ARHGAP20: variants seen among roughly 807,000 people sequenced by gnomAD.
ARHGAP20 encodes rho GTPase-activating protein 20.
In ARHGAP20, 34 loss-of-function variants were observed where a neutral mutation model predicts 73.7. The observed-to-expected ratio is 0.46, with a 90% CI of 0.35 to 0.61. ARHGAP20 has a LOEUF of 0.61. Ranked by LOEUF, ARHGAP20 falls within the 20% of genes least tolerant of loss-of-function variation. The pLI, the probability that ARHGAP20 is intolerant of heterozygous loss-of-function variation, is 0.00. For synonymous variants in ARHGAP20, 523 were observed against 518.2 expected (o/e 1.01, Z -0.13); for missense variants, 1,314 against 1,420.9 (o/e 0.92, Z 1.21).
At chr11:110,585,256 ATT>A in intron 12 of ARHGAP20, among the ~76,000 whole-genome samples, 1 of 151,626 alleles carries the variant, frequency 6.6e-6, no homozygotes, top group South Asian at 2.1e-4. Context: ...ACGTGTTTAT[ATT>A]TGCATGAGAG....
At chr11:110,618,660 T>C (rs1948543442) in intron 4 of ARHGAP20, among the ~76,000 whole-genome samples, 1 of 152,002 alleles carries the variant, frequency 6.6e-6, no homozygotes, top group South Asian at 2.1e-4. Context: ...AGTGATAGCA[T>C]ATATGCAGTG....
chr11:110,703,509 A>G (rs1459067705), intron 1 of ARHGAP20, among the ~76,000 whole-genome samples: 1 of 152,084 alleles, frequency 6.6e-6, no homozygotes, highest in Non-Finnish European at 1.5e-5. Flanking sequence ...TCATTCATAT[A>G]TATGGATTCA....
intron 9 of ARHGAP20, among the ~76,000 whole-genome samples, chr11:110,596,653 T>G (rs950597484): frequency 1.6e-4 from 25 of 152,066 alleles, no homozygotes; most frequent in African/African-American, 5.6e-4. Context: ...AGGTGCTGGA[T>G]AGGATGTGGA....
chr11:110,646,761 A>C (rs1226677879), intron 2 of ARHGAP20, among the ~76,000 whole-genome samples: 2 of 152,114 alleles, frequency 1.3e-5, no homozygotes. Flanking sequence ...CCTACAGTAC[A>C]TGAAGCACTA....
At chr11:110,679,274 T>C (rs1301720554) in intron 2 of ARHGAP20, among the ~76,000 whole-genome samples, 31 of 152,160 alleles carry the variant, frequency 2.0e-4, no homozygotes, top group Admixed American at 2.0e-3. Flanking sequence ...TGTAACCTAA[T>C]CTCGGAAGTG....
chr11:110,697,573 T>C (rs1360889440), intron 1 of ARHGAP20, among the ~76,000 whole-genome samples: 1 of 151,842 alleles, frequency 6.6e-6, no homozygotes, highest in Admixed American at 6.6e-5. Context: ...CGCTGTTTAG[T>C]TTAATTAAAT....
At chr11:110,586,039 C>G (rs1384721108) in intron 12 of ARHGAP20, among the ~76,000 whole-genome samples, 177 bp downstream of exon 12, 1 of 152,082 alleles carries the variant, frequency 6.6e-6, no homozygotes, top group Non-Finnish European at 1.5e-5. Context: ...GTACAATCTT[C>G]AAGTATTACA....
Position 110,577,768 on chromosome 11 carries a change from G to T in ARHGAP20, c.*1602C>A, listed in dbSNP as rs1466536262. On this transcript the variant is annotated 3_prime_UTR_variant, in exon 15 of 15. Transcript: ENST00000683387. ...CATTGTAATGGTTAGCGCAAACAGG[G>T]CCATGTCCCCAAGAGGTAGGTAGCA... The T allele has an allele frequency of 3.0e-6, 3 of 985,812 alleles. No individual in the cohort carries two copies. Among genetic ancestry groups the T allele is most frequent in the East Asian group, 2.3e-4 (2 of 8,818 alleles). 61.1% of individuals were successfully genotyped at this position (985,812 alleles called of 1,614,324 possible).
chr11:110,661,038 T>C (rs1157986527), intron 2 of ARHGAP20, among the ~76,000 whole-genome samples: 1 of 152,210 alleles, frequency 6.6e-6, no homozygotes, highest in Non-Finnish European at 1.5e-5. Context: ...CCAAAACAAA[T>C]ACATCAGAAG....
chr11:110,631,383 T>A (rs7479470), intron 2 of ARHGAP20, among the ~76,000 whole-genome samples: 1 of 152,156 alleles, frequency 6.6e-6, no homozygotes, highest in African/African-American at 2.4e-5. Context: ...TCTCTATGGA[T>A]TGGCTCCTGA....
chr11:110,682,187 G>A (rs1950049474), intron 2 of ARHGAP20, among the ~76,000 whole-genome samples: 1 of 152,102 alleles, frequency 6.6e-6, no homozygotes, highest in African/African-American at 2.4e-5. Flanking sequence ...TTTCCCATCT[G>A]CTATGGTCTT....
At chr11:110,591,193 G>A (rs553985533) in intron 10 of ARHGAP20, among the ~76,000 whole-genome samples, 2 of 152,288 alleles carry the variant, frequency 1.3e-5, no homozygotes, top group East Asian at 1.9e-4. Flanking sequence ...CCTGCTTACA[G>A]TGTAAGAAGA....
At chr11:110,695,548 T>C (rs1422192543) in intron 1 of ARHGAP20, among the ~76,000 whole-genome samples, 1 of 151,606 alleles carries the variant, frequency 6.6e-6, no homozygotes, top group East Asian at 1.9e-4. Flanking sequence ...CCAAAGAAGA[T>C]ATACGAATTG....
intron 9 of ARHGAP20, among the ~76,000 whole-genome samples, chr11:110,594,194 A>G (rs942344125): frequency 6.6e-6 from 1 of 152,152 alleles, no homozygotes; most frequent in Non-Finnish European, 1.5e-5. Flanking sequence ...AAATGGCCTT[A>G]AGATCATCAT....
At chr11:110,647,425 T>C (rs527683040) in intron 2 of ARHGAP20, among the ~76,000 whole-genome samples, 4 of 152,046 alleles carry the variant, frequency 2.6e-5, no homozygotes, top group African/African-American at 9.6e-5. Flanking sequence ...CAAGGGAAGA[T>C]AGGACAGACA....
intron 12 of ARHGAP20, among the ~76,000 whole-genome samples, chr11:110,584,418 GTT>G (rs765253941): frequency 6.4e-5 from 9 of 141,166 alleles, no homozygotes; most frequent in Middle Eastern, 3.7e-3. Flanking sequence ...ATTCATGACT[GTT>G]TTTTTTTTTT....
rs7936226 is a variant in ARHGAP20 at position 110,583,614 on chromosome 11, G to A, written c.1539C>T (p.Val513=). 5.5e-3 allele frequency: 8,852 copies of A among 1,612,806 alleles called. 248 individuals carry two copies. The African/African-American group carries it at 0.076, about 14-fold the overall frequency. Residue 513 remains valine (V), a synonymous_variant, in exon 13 of 15, where the codon GTC becomes GTT. Coordinates refer to ENST00000683387, the MANE Select transcript of ARHGAP20 (RefSeq NM_001384657.1). ...CAGGAGGCCAAAGAATACTTGGAGCGACACACACAGCTAAATTAAATGCAG... is the reference window on the plus strand; with the variant it reads ...CAGGAGGCCAAAGAATACTTGGAGCAACACACACAGCTAAATTAAATGCAG... ...QMTAFNLAVC[V]APSILWPPAS...
chr11:110,636,306 T>A lies in ARHGAP20; in HGVS notation c.189-5514A>T, dbSNP rs565893516. 2.6e-3 allele frequency among the ~76,000 whole-genome samples: 400 copies of A among 152,246 alleles called. 3 individuals carry two copies. Among genetic ancestry groups the A allele is most frequent in the South Asian group, 0.01 (49 of 4,822 alleles). ...ACCTGTCTGGGTCATGGTTTGAGGA[T>A]CCCTGGTTTAAACAATACTTCCAAA... is the stretch of plus-strand genomic sequence containing the variant. On this transcript the variant is annotated intron_variant, in intron 2 of 14. Transcript: ENST00000683387.
chr11:110,671,248 A>T (rs1949821693), intron 2 of ARHGAP20, among the ~76,000 whole-genome samples: 2 of 151,972 alleles, frequency 1.3e-5, no homozygotes, highest in African/African-American at 4.8e-5. Flanking sequence ...ACCCAACAAC[A>T]TGATCATCTC....
Sources: gnomAD v4.1 joint callset for allele counts (sites outside exome capture counted in the v4.1 genomes callset) on GRCh38, gnomAD v4.1.1 for gene constraint, MANE v1.5 for transcripts, NCBI Gene and HGNC (gene_info 2026-07-23, HGNC 2026-07-21) for gene names.